Variants in ENTHD1 observed in about 807,000 individuals in gnomAD.
The protein encoded by ENTHD1 is ENTH domain-containing protein 1.
Under a neutral mutation model 39.1 loss-of-function variants are expected in ENTHD1, and 23 were observed. The observed-to-expected ratio is 0.59, with a 90% CI of 0.42 to 0.83. The LOEUF is 0.83. Among genes scored for constraint, ENTHD1 ranks in the 40% least tolerant of loss-of-function variants. The probability of loss-of-function intolerance (pLI) is 0.00; values close to 1 mark genes in which losing one functional copy is unlikely to be tolerated. For synonymous variants in ENTHD1, 230 were observed against 258.2 expected (o/e 0.89, Z 1.05); for missense variants, 624 against 705.4 (o/e 0.88, Z 1.31).
intron 2 of ENTHD1, among the ~76,000 whole-genome samples, chr22:39,872,989 T>TTTTC (rs1307361326): frequency 3.9e-5 from 6 of 151,936 alleles, no homozygotes; most frequent in African/African-American, 1.4e-4. Context: ...TTTTCTTTCT[T>TTTTC]TTTCTTTTTT....
intron 3 of ENTHD1, among the ~76,000 whole-genome samples, chr22:39,847,793 TA>T (rs747788636): frequency 3.3e-5 from 5 of 152,338 alleles, no homozygotes; most frequent in Non-Finnish European, 5.9e-5. Flanking sequence ...ACAGTTTTAT[TA>T]GTTTTCTAAT....
At chr22:39,785,691 G>A (rs889446228) in intron 5 of ENTHD1, among the ~76,000 whole-genome samples, 1 of 152,128 alleles carries the variant, frequency 6.6e-6, no homozygotes, top group Non-Finnish European at 1.5e-5. Flanking sequence ...CCCCAAACAT[G>A]AGACATCCAA....
chr22:39,843,675 G>A (rs1185195920), intron 3 of ENTHD1, among the ~76,000 whole-genome samples: 1 of 151,916 alleles, frequency 6.6e-6, no homozygotes, highest in Non-Finnish European at 1.5e-5. Context: ...GGTCAAGCAA[G>A]CACAGTTGCA....
chr22:39,849,832 T>G (rs2066020948), intron 3 of ENTHD1, among the ~76,000 whole-genome samples: 1 of 152,206 alleles, frequency 6.6e-6, no homozygotes, highest in South Asian at 2.1e-4. Context: ...TTACAAATGA[T>G]GCTCGTTTCT....
At chr22:39,803,446 G>A (rs2065615272) in intron 5 of ENTHD1, among the ~76,000 whole-genome samples, 2 of 151,944 alleles carry the variant, frequency 1.3e-5, no homozygotes, top group African/African-American at 4.8e-5. Flanking sequence ...CATAGCACAT[G>A]TTACAATCTA....
chr22:39,883,253 C>G (rs1341029568), intron 2 of ENTHD1, among the ~76,000 whole-genome samples: 1 of 151,812 alleles, frequency 6.6e-6, no homozygotes, highest in East Asian at 1.9e-4. Context: ...ATCAAGAGTA[C>G]TCATAAAGTC....
chr22:39,746,914 A>G (rs1429148092), intron 6 of ENTHD1, among the ~76,000 whole-genome samples: 1 of 152,184 alleles, frequency 6.6e-6, no homozygotes, highest in Non-Finnish European at 1.5e-5. Flanking sequence ...CATGGGTTGC[A>G]GAGGTAGGTG....
At chr22:39,792,785 G>A (rs763420113) in intron 5 of ENTHD1, among the ~76,000 whole-genome samples, 2 of 152,102 alleles carry the variant, frequency 1.3e-5, no homozygotes, top group Admixed American at 1.3e-4. Flanking sequence ...TTGAATGTCC[G>A]AGTATCCCAT....
intron 5 of ENTHD1, among the ~76,000 whole-genome samples, chr22:39,798,003 A>T (rs187600804): frequency 3.7e-4 from 57 of 152,264 alleles, no homozygotes; most frequent in Admixed American, 3.4e-3. Flanking sequence ...GTTTTCAGCT[A>T]TTATTTTGTT....
intron 5 of ENTHD1, among the ~76,000 whole-genome samples, chr22:39,800,041 G>A (rs1321649261): frequency 1.3e-5 from 2 of 152,206 alleles, no homozygotes; most frequent in African/African-American, 4.8e-5. Context: ...CCTCTCTGGA[G>A]CAATCTATTG....
rs1025480612 is a variant in ENTHD1, at chr22:39,867,272, C to A, written c.350-5265G>T. ...TTGCAAATATGGTAAATTCAAAGAT[C>A]TTTGGCATTGAGATGCACCACTAGG... On this transcript the variant is annotated intron_variant, in intron 2 of 6. Transcript: ENST00000325157. This position sits in a 1 kb window ranked among gnomAD's most constrained non-coding sequence, Gnocchi z 4.5. Among the ~76,000 whole-genome samples, 2 of 152,088 alleles carry A rather than the reference C, an allele frequency of 1.3e-5. No homozygotes were observed. Among genetic ancestry groups the A allele is most frequent in the Non-Finnish European group, 2.9e-5 (2 of 68,024 alleles).
chr22:39,871,730 CT>C (rs1213971763), intron 2 of ENTHD1, among the ~76,000 whole-genome samples: 1 of 152,156 alleles, frequency 6.6e-6, no homozygotes, highest in African/African-American at 2.4e-5. Flanking sequence ...TCATGCTTTG[CT>C]TCTTGCTATC....
chr22:39,879,445 AGAGT>A (rs1295151447), intron 2 of ENTHD1, among the ~76,000 whole-genome samples: 10 of 135,162 alleles, frequency 7.4e-5, no homozygotes, highest in African/African-American at 2.5e-4. Flanking sequence ...CCTGGGTGAC[AGAGT>A]GAGACTCTGT....
chr22:39,849,039 T>G (rs2066014264), intron 3 of ENTHD1, among the ~76,000 whole-genome samples: 1 of 152,164 alleles, frequency 6.6e-6, no homozygotes, highest in African/African-American at 2.4e-5. Flanking sequence ...TTTTCTAGGG[T>G]TATGGTTTGT....
chr22:39,875,568 G>A (rs994705853), intron 2 of ENTHD1: 57 of 1,610,872 alleles, frequency 3.5e-5, no homozygotes, highest in African/African-American at 2.4e-4. Context: ...GAATACCGCC[G>A]CCTTGAAGTT....
chr22:39,749,680 T>A (rs1171685999), intron 6 of ENTHD1, among the ~76,000 whole-genome samples: 1 of 151,682 alleles, frequency 6.6e-6, no homozygotes, highest in East Asian at 1.9e-4. Context: ...ATATACAATG[T>A]CTGTCAAGTT....
At chr22:39,856,027 C>A (rs1438722123) in intron 3 of ENTHD1, among the ~76,000 whole-genome samples, 2 of 152,128 alleles carry the variant, frequency 1.3e-5, no homozygotes, top group Non-Finnish European at 2.9e-5. Flanking sequence ...GTAATCCCAG[C>A]ACTTTGGGAG....
At position 39,887,573 on chromosome 22, in the gene ENTHD1, T is replaced by C; in HGVS notation, c.176A>G (p.His59Arg). 2 of 1,614,196 alleles carry C rather than the reference T, an allele frequency of 1.2e-6. No individual in the cohort carries two copies. The highest frequency in any genetic ancestry group is 8.5e-7 in the Non-Finnish European group (1 of 1,180,040). The change falls in exon 2 of 7, where the codon CAC becomes CGC. Residue 59 changes from histidine to arginine, a missense_variant. Coordinates refer to ENST00000325157, the MANE Select transcript of ENTHD1 (RefSeq NM_152512.4). Reference protein sequence around the residue: ...SLSEIMNMLWHRLNDHGKNWR... With the variant: ...SLSEIMNMLWRRLNDHGKNWR... ...GTTCTTCCCATGGTCATTGAGTCTG[T>C]GCCACAGCATATTCATAATCTCTGA...
intron 5 of ENTHD1, among the ~76,000 whole-genome samples, chr22:39,793,298 T>C (rs1407035550): frequency 6.6e-6 from 1 of 152,014 alleles, no homozygotes; most frequent in African/African-American, 2.4e-5. Flanking sequence ...TTGAGAAATG[T>C]CTAATCATGT....
Sources: gnomAD v4.1 joint callset for allele counts (sites outside exome capture counted in the v4.1 genomes callset) on GRCh38, gnomAD v4.1.1 for gene constraint, Gnocchi (gnomAD v3.1) non-coding constraint, MANE v1.5 for transcripts, NCBI Gene and HGNC (gene_info 2026-07-23, HGNC 2026-07-21) for gene names.